ZDHHC14: variants seen among roughly 807,000 people sequenced by gnomAD.
ZDHHC14 encodes the protein zDHHC palmitoyltransferase 14.
Under a neutral mutation model 47.7 loss-of-function variants are expected in ZDHHC14, and 16 were observed. The ratio of observed to expected loss-of-function variants is 0.34; its 90% CI spans 0.23 to 0.51. The LOEUF (loss-of-function observed/expected upper bound fraction) is 0.51. ZDHHC14 is among the 20% of genes least tolerant of loss of function. ZDHHC14 has a pLI of 0.97. For synonymous variants in ZDHHC14, 293 were observed against 278.9 expected (o/e 1.05, Z -0.50); for missense variants, 515 against 662.5 (o/e 0.78, Z 2.44).
intron 8 of ZDHHC14, among the ~76,000 whole-genome samples, chr6:157,670,095 C>A (rs1335830243): frequency 6.6e-6 from 1 of 152,226 alleles, no homozygotes; most frequent in Non-Finnish European, 1.5e-5. Flanking sequence ...CCTACACAGG[C>A]CACAGCTGTC....
intron 2 of ZDHHC14, among the ~76,000 whole-genome samples, chr6:157,550,826 T>C (rs1446377845): frequency 6.6e-6 from 1 of 152,218 alleles, no homozygotes; most frequent in African/African-American, 2.4e-5. Flanking sequence ...GTCACTTTCT[T>C]TAGAGTTTGT....
At chr6:157,452,701 T>TC (rs1212698640) in intron 1 of ZDHHC14, among the ~76,000 whole-genome samples, 3 of 130,962 alleles carry the variant, frequency 2.3e-5, no homozygotes, top group African/African-American at 8.7e-5. Context: ...TTTTTTTTTT[T>TC]TTTTTTTTTT....
intron 3 of ZDHHC14, among the ~76,000 whole-genome samples, chr6:157,605,771 G>A (rs1784516680): frequency 6.6e-6 from 1 of 152,206 alleles, no homozygotes; most frequent in African/African-American, 2.4e-5. Flanking sequence ...AACAATTGGT[G>A]TCAACCGTGA....
chr6:157,433,204 T>G (rs1209334593), intron 1 of ZDHHC14, among the ~76,000 whole-genome samples: 2 of 152,276 alleles, frequency 1.3e-5, no homozygotes, highest in Non-Finnish European at 2.9e-5. Context: ...TCTTGAGACT[T>G]ACTTAGGTAA....
At chr6:157,655,448 G>A (rs927049177) in intron 8 of ZDHHC14, among the ~76,000 whole-genome samples, 3 of 152,160 alleles carry the variant, frequency 2.0e-5, no homozygotes, top group Admixed American at 6.5e-5. Context: ...GCCTGCAAGC[G>A]CACAGGCATT....
chr6:157,660,991 G>A lies in ZDHHC14; in HGVS notation c.1068+7364G>A, dbSNP rs955705636. On this transcript the variant is annotated intron_variant, in intron 8 of 8. Transcript: ENST00000359775. ...AGGGGCAGGGGAGCTTTGACAAAGA[G>A]CACTTAGGTTTCAGGCAAAGCTTCC... Among the ~76,000 whole-genome samples, 4 of 152,294 alleles carry A rather than the reference G, an allele frequency of 2.6e-5. No homozygotes were observed. The South Asian group carries it at 6.2e-4, about 24-fold the overall frequency.
intron 8 of ZDHHC14, among the ~76,000 whole-genome samples, chr6:157,663,082 G>T (rs1778412109): frequency 6.6e-6 from 1 of 152,146 alleles, no homozygotes; most frequent in African/African-American, 2.4e-5. Context: ...GCTCATAGAT[G>T]GATAAATTTA....
chr6:157,592,484 C>T (rs978418610), intron 2 of ZDHHC14, among the ~76,000 whole-genome samples: 7 of 152,078 alleles, frequency 4.6e-5, no homozygotes, highest in Admixed American at 2.6e-4. Flanking sequence ...TCCAGGAGAG[C>T]GAATTAGGGT....
intron 1 of ZDHHC14, among the ~76,000 whole-genome samples, chr6:157,383,190 T>G (rs1346938868): frequency 1.3e-5 from 2 of 152,214 alleles, no homozygotes; most frequent in African/African-American, 4.8e-5. Flanking sequence ...TTCCAATCAA[T>G]TTTGGTTGCT....
chr6:157,633,296 C>T (rs561408649), intron 5 of ZDHHC14, among the ~76,000 whole-genome samples: 111 of 152,244 alleles, frequency 7.3e-4, no homozygotes, highest in African/African-American at 2.6e-3. Context: ...CCCTCTGTTC[C>T]GATTCTGTTG....
At chr6:157,653,476 C>G in intron 7 of ZDHHC14, 49 bp from the exon 8 acceptor site, 1 of 1,602,810 alleles carries the variant, frequency 6.2e-7, no homozygotes, top group Non-Finnish European at 8.5e-7. Flanking sequence ...TGCTGCATCT[C>G]TGGCTTTTTA....
chr6:157,550,130 G>A (rs1364487453), intron 2 of ZDHHC14, among the ~76,000 whole-genome samples: 1 of 152,204 alleles, frequency 6.6e-6, no homozygotes, highest in Non-Finnish European at 1.5e-5. Flanking sequence ...TTCACTTGAT[G>A]AGATCACACT....
In ZDHHC14 at chr6:157,670,534, TCCTG is replaced by T. The variant is rs373240745; in HGVS notation, c.1069-2182_1069-2179del. 2.4e-3 allele frequency among the ~76,000 whole-genome samples: 359 copies of T among 152,272 alleles called. 7 individuals are homozygous for T. The highest frequency in any genetic ancestry group is 0.02 in the Admixed American group (305 of 15,290). ...GTCTCGAACTCCTGAGCTCAGGTGA[TCCTG>T]CCTGCCTTAGCCCCCCAAAGTGCTG... is the stretch of plus-strand genomic sequence containing the variant. On this transcript the variant is annotated intron_variant, in intron 8 of 8. Transcript: ENST00000359775.
chr6:157,644,459 C>G (rs147061488), intron 5 of ZDHHC14, among the ~76,000 whole-genome samples: 6 of 152,238 alleles, frequency 3.9e-5, no homozygotes, highest in African/African-American at 1.4e-4. Flanking sequence ...TACCACTCCC[C>G]GCTACCGTCT....
chr6:157,666,073 TACTC>T (rs1451381445), intron 8 of ZDHHC14, among the ~76,000 whole-genome samples: 3 of 152,250 alleles, frequency 2.0e-5, no homozygotes, highest in Admixed American at 6.5e-5. Context: ...ATGCATGACA[TACTC>T]ACGACATCCA....
At chr6:157,413,209 C>T (rs1777906597) in intron 1 of ZDHHC14, among the ~76,000 whole-genome samples, 1 of 152,106 alleles carries the variant, frequency 6.6e-6, no homozygotes, top group Non-Finnish European at 1.5e-5. Flanking sequence ...TGCAGGGGGT[C>T]GAGGGGTGGG....
intron 8 of ZDHHC14, among the ~76,000 whole-genome samples, chr6:157,655,141 C>T (rs141214581): frequency 4.1e-4 from 62 of 152,230 alleles, no homozygotes; most frequent in Admixed American, 3.9e-3. Context: ...ACTCAAGGGA[C>T]GCTTTAAGGG....
At chr6:157,474,549 C>A (rs1779432051) in intron 1 of ZDHHC14, among the ~76,000 whole-genome samples, 1 of 152,084 alleles carries the variant, frequency 6.6e-6, no homozygotes, top group African/African-American at 2.4e-5. Flanking sequence ...GCAAGGATTC[C>A]CATTTCTTCA....
chr6:157,485,680 ATTT>A (rs199734094), intron 1 of ZDHHC14, among the ~76,000 whole-genome samples: 6 of 143,796 alleles, frequency 4.2e-5, no homozygotes, highest in African/African-American at 1.3e-4. Context: ...CCTATTTCTG[ATTT>A]TTTTTTTTTT....
Sources: allele counts gnomAD v4.1 joint callset (sites outside exome capture counted in the v4.1 genomes callset), GRCh38; gene constraint gnomAD v4.1.1; transcripts MANE v1.5; gene names NCBI Gene and HGNC (gene_info 2026-07-23, HGNC 2026-07-21).